GNG12: variants seen among roughly 807,000 people sequenced by gnomAD.
The protein encoded by GNG12 is guanine nucleotide-binding protein G(I)/G(S)/G(O) subunit gamma-12.
For synonymous variants in GNG12, 28 were observed against 29.7 expected, an observed-to-expected ratio of 0.94 and a Z score of 0.19; for missense variants, 69 against 83.8, an observed-to-expected ratio of 0.82 and a Z score of 0.69.
intron 2 of GNG12, among the ~76,000 whole-genome samples, chr1:67,755,703 T>C (rs1052894546): frequency 6.6e-6 from 1 of 152,218 alleles, no homozygotes; most frequent in Non-Finnish European, 1.5e-5. Context: ...CTCACTGTAC[T>C]GAACACATGC....
chr1:67,734,186 C>A (rs893963303), intron 2 of GNG12, among the ~76,000 whole-genome samples: 1 of 151,688 alleles, frequency 6.6e-6, no homozygotes, highest in African/African-American at 2.4e-5. Flanking sequence ...AGACCTACTG[C>A]CTAGACCTGA....
At chr1:67,791,402 C>T (rs1320141251) in intron 1 of GNG12, among the ~76,000 whole-genome samples, 1 of 152,070 alleles carries the variant, frequency 6.6e-6, no homozygotes, top group East Asian at 1.9e-4. Context: ...GTCAGACTTA[C>T]TTGTCTGACT....
intron 2 of GNG12, among the ~76,000 whole-genome samples, chr1:67,709,972 A>C (rs1646277072): frequency 2.8e-5 from 1 of 35,400 alleles, no homozygotes; most frequent in East Asian, 8.3e-4. Context: ...TTATATATAT[A>C]GTTATATATA....
intron 2 of GNG12, among the ~76,000 whole-genome samples, chr1:67,764,108 C>T (rs1424048516): frequency 2.0e-5 from 3 of 152,048 alleles, no homozygotes; most frequent in African/African-American, 7.2e-5. Flanking sequence ...TATTCTGGGC[C>T]AGTAGTTTAG....
At chr1:67,730,224 GT>G (rs1646410934) in intron 2 of GNG12, among the ~76,000 whole-genome samples, 3 of 152,210 alleles carry the variant, frequency 2.0e-5, no homozygotes, top group Non-Finnish European at 2.9e-5. Flanking sequence ...AGGAGACTGG[GT>G]GTGGTGACTT....
intron 1 of GNG12, among the ~76,000 whole-genome samples, chr1:67,811,107 T>C (rs549761432): frequency 9.2e-5 from 14 of 152,318 alleles, no homozygotes; most frequent in African/African-American, 3.4e-4. Context: ...CTCCAAGTGA[T>C]TCTGATGCTC....
At chr1:67,752,651 T>C (rs116615720) in intron 2 of GNG12, among the ~76,000 whole-genome samples, 178 of 152,320 alleles carry the variant, frequency 1.2e-3, no homozygotes, top group African/African-American at 4.3e-3. Context: ...TTTCAACACC[T>C]CGCCCCAATC....
At chr1:67,772,696 T>C (rs1646681821) in intron 2 of GNG12, 1 of 152,206 alleles carries the variant, frequency 6.6e-6, no homozygotes, top group Admixed American at 6.5e-5. Flanking sequence ...GTAATTCTGG[T>C]GGGATTTACC....
intron 1 of GNG12, among the ~76,000 whole-genome samples, chr1:67,792,741 G>A (rs891917102): frequency 3.9e-5 from 6 of 152,136 alleles, no homozygotes; most frequent in Non-Finnish European, 7.4e-5. Flanking sequence ...TTGTTGTATG[G>A]TTCCATGCAG....
At chr1:67,796,587 G>C (rs192245254) in intron 1 of GNG12, among the ~76,000 whole-genome samples, 2 of 152,082 alleles carry the variant, frequency 1.3e-5, no homozygotes, top group Admixed American at 6.5e-5. Flanking sequence ...CAATAAATAT[G>C]TATTTACTAG....
At chr1:67,794,036 C>T (rs1646816020) in intron 1 of GNG12, among the ~76,000 whole-genome samples, 1 of 152,180 alleles carries the variant, frequency 6.6e-6, no homozygotes, top group Non-Finnish European at 1.5e-5. Flanking sequence ...AACCTTTCTC[C>T]TCAGCATAAA....
intron 2 of GNG12, among the ~76,000 whole-genome samples, chr1:67,736,770 G>T (rs1016429987): frequency 2.6e-5 from 4 of 152,202 alleles, no homozygotes; most frequent in African/African-American, 9.7e-5. Context: ...AAACCTAGGG[G>T]AGTGGGCTCC....
intron 2 of GNG12, among the ~76,000 whole-genome samples, chr1:67,741,946 C>T (rs1214667307): frequency 6.6e-6 from 1 of 152,204 alleles, no homozygotes; most frequent in Non-Finnish European, 1.5e-5. Flanking sequence ...CCTGGCCTCA[C>T]CTGCTGCATT....
At chr1:67,759,611 T>C (rs1228124250) in intron 2 of GNG12, among the ~76,000 whole-genome samples, 1 of 152,194 alleles carries the variant, frequency 6.6e-6, no homozygotes, top group African/African-American at 2.4e-5. Context: ...AATGAAATCA[T>C]GCAAGTATGA....
chr1:67,813,252 A>C (rs1039804247), intron 1 of GNG12, among the ~76,000 whole-genome samples: 10 of 152,220 alleles, frequency 6.6e-5, no homozygotes, highest in Admixed American at 6.5e-4. Flanking sequence ...AAATAGCCAC[A>C]AGAAAAATTT....
At chr1:67,705,683 G>A in intron 3 of GNG12, 107 bp from the exon 4 acceptor site, 1 of 1,403,540 alleles carries the variant, frequency 7.1e-7, no homozygotes, top group South Asian at 1.7e-5. Flanking sequence ...ATTTGAACAA[G>A]ATAATCAGAG....
At position 67,820,302 on chromosome 1, in the gene GNG12, T is replaced by C. The variant is rs559981514; in HGVS notation, c.-77+13042A>G. 2.6e-5 allele frequency among the ~76,000 whole-genome samples: 4 copies of C among 151,936 alleles called. No homozygotes were observed. In the South Asian group the frequency reaches 8.3e-4, roughly 32 times the overall value. ...TACTCAGGAGGCTGAGACAGGAGAA[T>C]TGCTTGAACCCGGATGGCGGAGGTT... is the stretch of plus-strand genomic sequence containing the variant. On this transcript the variant is annotated intron_variant, in intron 1 of 3. Transcript: ENST00000370982.
Position 67,704,814 on chromosome 1 carries a change from A to G in GNG12, c.*637T>C, listed in dbSNP as rs1300968668. The stretch of plus-strand genomic sequence containing the variant: ...GCATTACTTGATTACAATGAATACA[A>G]TCTTTAGGATACTCTTTACTTTTTG... On this transcript the variant is annotated 3_prime_UTR_variant, in exon 4 of 4. Transcript: ENST00000370982. The G allele has an allele frequency of 1.3e-5, 2 of 152,594 alleles. No individual in the cohort carries two copies. Among genetic ancestry groups the G allele is most frequent in the Non-Finnish European group, 1.5e-5 (1 of 68,058 alleles). 9.5% of individuals were successfully genotyped at this position (152,594 alleles called of 1,614,324 possible).
At chr1:67,788,631 G>A (rs988781523) in intron 1 of GNG12, among the ~76,000 whole-genome samples, 2 of 151,972 alleles carry the variant, frequency 1.3e-5, no homozygotes, top group African/African-American at 4.8e-5. Context: ...ATGAACCACT[G>A]TGCCTGGCCA....
Sources: gnomAD v4.1 joint callset for allele counts (sites outside exome capture counted in the v4.1 genomes callset) on GRCh38, gnomAD v4.1.1 for gene constraint, MANE v1.5 for transcripts, NCBI Gene and HGNC (gene_info 2026-07-23, HGNC 2026-07-21) for gene names.